Variants in CAMSAP1 observed in about 807,000 individuals in gnomAD.
CAMSAP1 encodes calmodulin-regulated spectrin-associated protein 1.
Under a neutral mutation model 143.5 loss-of-function variants are expected in CAMSAP1, and 58 were observed. The observed-to-expected ratio is 0.40, with a 90% CI of 0.33 to 0.50. CAMSAP1 has a LOEUF of 0.50. Ranked by LOEUF, CAMSAP1 falls within the 20% of genes least tolerant of loss-of-function variation. The probability of loss-of-function intolerance (pLI) is 0.45; values close to 1 mark genes in which losing one functional copy is unlikely to be tolerated. For missense variants in CAMSAP1, 1,969 were observed against 2,115.7 expected (o/e 0.93, Z 1.36); for synonymous variants, 945 against 859.3 (o/e 1.10, Z -1.74).
intron 5 of CAMSAP1, among the ~76,000 whole-genome samples, chr9:135,857,262 A>T (rs528765844): frequency 4.6e-5 from 7 of 152,098 alleles, no homozygotes; most frequent in Middle Eastern, 3.4e-3. Flanking sequence ...TTCTTCGTAG[A>T]CTGATCCTGA....
chr9:135,819,106 G>T lies in CAMSAP1; in HGVS notation c.3863C>A (p.Ala1288Glu). ...KAEDELAKKR[A>E]AFLLKQQRKA... ...GCGCTGCTGCTTCAGGAGGAAGGCC[G>T]CCCGCTTCTTGGCGAGCTCATCTTC... Residue 1288 changes from alanine (A) to glutamate (E), a missense_variant, in exon 12 of 17, where the codon GCG (alanine) becomes GAG (glutamate). Around this residue, in one of 4 missense-constraint regions of CAMSAP1, gnomAD observed 1,390 missense variants for 1,420.8 expected, o/e 0.98. Coordinates refer to ENST00000389532, the MANE Select transcript of CAMSAP1 (RefSeq NM_015447.4). 1.2e-6 allele frequency: 2 copies of T among 1,601,522 alleles called. No homozygotes were observed. The highest frequency in any genetic ancestry group is 8.5e-7 in the Non-Finnish European group (1 of 1,175,456).
Position 135,811,736 on chromosome 9 carries a change from GGCCT to G in CAMSAP1, c.4507-129_4507-126del. 1.2e-6 allele frequency: 1 copy of G among 852,044 alleles called. No homozygotes were observed. Among genetic ancestry groups the G allele is most frequent in the Non-Finnish European group, 1.8e-6 (1 of 550,890 alleles). 52.8% of individuals were successfully genotyped at this position (852,044 alleles called of 1,614,324 possible). On this transcript the variant is annotated intron_variant, in intron 16 of 16. Coordinates refer to ENST00000389532, the MANE Select transcript of CAMSAP1 (RefSeq NM_015447.4). The surrounding 1 kb of genome is among the most constrained non-coding windows in gnomAD (Gnocchi z 4.9). ...GGAAGCTCTCCCACCCGTCAGCTACGGCCTGCCTGTTGTAAACAATTACAGCAGA... is the reference window on the plus strand; with the variant it reads ...GGAAGCTCTCCCACCCGTCAGCTACGGCCTGTTGTAAACAATTACAGCAGA...
In CAMSAP1 at chr9:135,816,517, C is replaced by T. The variant is rs150237459; in HGVS notation, c.4272-512G>A. ...AGTCTCCACTGAGCACAACAGATGC[C>T]GAAAGGCTGGACACAGCTGCTCAGA... On this transcript the variant is annotated intron_variant, in intron 14 of 16. Transcript: ENST00000389532. Among the ~76,000 whole-genome samples the T allele has an allele frequency of 5.1e-3, 775 of 152,306 alleles. 5 individuals are homozygous for T. Among genetic ancestry groups the T allele is most frequent in the African/African-American group, 0.018 (743 of 41,560 alleles).
At chr9:135,889,361 A>G (rs1434791555) in intron 1 of CAMSAP1, among the ~76,000 whole-genome samples, 1 of 152,198 alleles carries the variant, frequency 6.6e-6, no homozygotes, top group African/African-American at 2.4e-5. Context: ...GCTCCTTAAC[A>G]AAAAAGAAAG....
In CAMSAP1 at chr9:135,818,082, G is replaced by A. The variant is rs1030171638; in HGVS notation, c.4169-3C>T. On this transcript the variant is annotated splice_region_variant and splice_polypyrimidine_tract_variant and intron_variant, in intron 13 of 16. Coordinates refer to ENST00000389532, the MANE Select transcript of CAMSAP1 (RefSeq NM_015447.4). The surrounding 1 kb of genome is among the most constrained non-coding windows in gnomAD (Gnocchi z 7.7). ...CTGAGTCCGGCTCAAGTTATCAGCT[G>A]CCAGAGACAGAAACAGACGACGGTT... 1.2e-6 allele frequency: 2 copies of A among 1,613,508 alleles called. No individual in the cohort carries two copies. The highest frequency in any genetic ancestry group is 1.7e-6 in the Non-Finnish European group (2 of 1,179,692).
intron 1 of CAMSAP1, among the ~76,000 whole-genome samples, chr9:135,900,220 C>A (rs1838575807): frequency 6.6e-6 from 1 of 152,000 alleles, no homozygotes; most frequent in Admixed American, 6.6e-5. Context: ...GAGACAGTCT[C>A]ACTCTGTTGC....
intron 5 of CAMSAP1, among the ~76,000 whole-genome samples, chr9:135,860,081 C>G (rs1211226164): frequency 6.6e-6 from 1 of 151,430 alleles, no homozygotes; most frequent in Non-Finnish European, 1.5e-5. Flanking sequence ...GTTAGCCAGG[C>G]ATGGTCGTAC....
chr9:135,864,910 T>C (rs1351877656), intron 4 of CAMSAP1, among the ~76,000 whole-genome samples: 9 of 152,080 alleles, frequency 5.9e-5, no homozygotes, highest in Admixed American at 5.9e-4. Flanking sequence ...ACCAGGTGCA[T>C]CACCCGCATA....
chr9:135,811,585 G>A lies in CAMSAP1; in HGVS notation c.4533C>T (p.His1511=). 1 of 1,595,496 alleles carries A rather than the reference G, an allele frequency of 6.3e-7. No homozygotes were observed. ...LEELEKCDAN[H]YIILFRDAGC... ...CAGCATCACGAAACAGTATGATGTA[G>A]TGATTGGCATCACACTTCTCCAGCT... The change falls in exon 17 of 17, where the codon CAC becomes CAT. Residue 1511 remains histidine (H), a synonymous_variant. Coordinates refer to ENST00000389532, the MANE Select transcript of CAMSAP1 (RefSeq NM_015447.4). The surrounding 1 kb of genome is among the most constrained non-coding windows in gnomAD (Gnocchi z 4.9).
chr9:135,816,751 G>A (rs572452994), intron 14 of CAMSAP1, among the ~76,000 whole-genome samples: 4 of 152,284 alleles, frequency 2.6e-5, no homozygotes, highest in Admixed American at 1.3e-4. Flanking sequence ...GGAGCCACAC[G>A]CTGTGCATAT....
At chr9:135,905,634 T>C (rs1220832848) in intron 1 of CAMSAP1, among the ~76,000 whole-genome samples, 3 of 152,076 alleles carry the variant, frequency 2.0e-5, no homozygotes, top group Non-Finnish European at 4.4e-5. Context: ...CCTAAGAACG[T>C]AACGTGGGAT....
Position 135,850,436 on chromosome 9 carries a change from C to T in CAMSAP1, c.834G>A (p.Ser278=). 1.3e-6 allele frequency: 2 copies of T among 1,598,228 alleles called. No homozygotes were observed. Among genetic ancestry groups the T allele is most frequent in the South Asian group, 1.1e-5 (1 of 87,314 alleles). ...GAATATTATACAGACTGTCGGCCAT[C>T]GACGTTACCTCCTTTAAGCATATAT... is the stretch of plus-strand genomic sequence containing the variant. ...LDDICLKEVT[S]MADSLYNIRL... Residue 278 remains serine, a synonymous_variant, in exon 6 of 17, where the codon TCG becomes TCA. Transcript: ENST00000389532.
chr9:135,883,945 G>A (rs747190356), intron 1 of CAMSAP1, among the ~76,000 whole-genome samples: 10 of 152,146 alleles, frequency 6.6e-5, no homozygotes, highest in African/African-American at 1.9e-4. Flanking sequence ...GCATACACAC[G>A]GGACACCGAA....
chr9:135,886,372 T>C (rs1247317884), intron 1 of CAMSAP1, among the ~76,000 whole-genome samples: 1 of 150,732 alleles, frequency 6.6e-6, no homozygotes, highest in Non-Finnish European at 1.5e-5. Context: ...CACTGAGGAG[T>C]GGGGCAGTGG....
rs778774843 is a variant in CAMSAP1, at chr9:135,820,845, G to A, written c.3816C>T (p.Phe1272=). ...EGDQKPGVGF[F]FKDEQKAEDE... is the part of the protein sequence containing the mutation. ...GATGCTACCAATCCCTTACCTTGAAGAAGAAGCCGACCCCCGGCTTCTGGT... is the reference window on the plus strand; with the variant it reads ...GATGCTACCAATCCCTTACCTTGAAAAAGAAGCCGACCCCCGGCTTCTGGT... The change falls in exon 11 of 17, where the codon TTC becomes TTT. Residue 1272 remains phenylalanine, a synonymous_variant. Transcript: ENST00000389532. The surrounding 1 kb of genome is among the most constrained non-coding windows in gnomAD (Gnocchi z 4.4). The A allele has an allele frequency of 1.9e-6, 3 of 1,612,668 alleles. No homozygotes were observed. Among genetic ancestry groups the A allele is most frequent in the East Asian group, 2.2e-5 (1 of 44,864 alleles).
chr9:135,900,673 C>T (rs191261853), intron 1 of CAMSAP1, among the ~76,000 whole-genome samples: 2 of 151,612 alleles, frequency 1.3e-5, no homozygotes, highest in East Asian at 2.0e-4. Flanking sequence ...CCAGCCTGGG[C>T]GACAGAGCGA....
rs1474333785 is a variant in CAMSAP1, at chr9:135,817,193, T to C, written c.4271+784A>G. On this transcript the variant is annotated intron_variant, in intron 14 of 16. Coordinates refer to ENST00000389532, the MANE Select transcript of CAMSAP1 (RefSeq NM_015447.4). ...CCATTCATCGCCCCAAACCAGATCC[T>C]GGACTCGGAAACAACACAGTTGTCA... Among the ~76,000 whole-genome samples, 3 of 152,164 alleles carry C rather than the reference T, an allele frequency of 2.0e-5. 1 individual carries two copies. The highest frequency in any genetic ancestry group is 7.2e-5 in the African/African-American group (3 of 41,430).
Position 135,811,797 on chromosome 9 carries a change from A to G in CAMSAP1, c.4507-186T>C, listed in dbSNP as rs1014314111. Among the ~76,000 whole-genome samples the G allele has an allele frequency of 2.0e-5, 3 of 152,196 alleles. No individual in the cohort carries two copies. Among genetic ancestry groups the G allele is most frequent in the African/African-American group, 7.2e-5 (3 of 41,450 alleles). On this transcript the variant is annotated intron_variant, in intron 16 of 16. Coordinates refer to ENST00000389532, the MANE Select transcript of CAMSAP1 (RefSeq NM_015447.4). This position sits in a 1 kb window ranked among gnomAD's most constrained non-coding sequence, Gnocchi z 4.9. ...TACGGGAGCATTATATGCCATTGAG[A>G]CTTTACTTAAGAAGTCTAAGCAAGC...
intron 5 of CAMSAP1, among the ~76,000 whole-genome samples, chr9:135,858,469 G>C (rs1241426058): frequency 6.6e-6 from 1 of 152,146 alleles, no homozygotes; most frequent in Admixed American, 6.5e-5. Flanking sequence ...GCTCACACTA[G>C]CAAGTCCCAC....
Sources: allele counts gnomAD v4.1 joint callset (sites outside exome capture counted in the v4.1 genomes callset), GRCh38; gene constraint gnomAD v4.1.1; regional missense constraint gnomAD v4.1.1; non-coding constraint Gnocchi (gnomAD v3.1); transcripts MANE v1.5; gene names NCBI Gene and HGNC (gene_info 2026-07-23, HGNC 2026-07-21).